SOX5: variants seen among roughly 807,000 people sequenced by gnomAD.
SOX5 encodes the protein SRY-box transcription factor 5.
A neutral mutation model predicts 92.0 loss-of-function variants in SOX5; 9 were observed. The ratio of observed to expected loss-of-function variants is 0.10; its 90% CI spans 0.06 to 0.17. The LOEUF (loss-of-function observed/expected upper bound fraction) is 0.17. Ranked by LOEUF, SOX5 falls within the 10% of genes least tolerant of loss-of-function variation. SOX5 has a pLI of 1.00. For synonymous variants in SOX5, 344 were observed against 336.3 expected, an observed-to-expected ratio of 1.02 and a Z score of -0.25; for missense variants, 642 against 944.5, an observed-to-expected ratio of 0.68 and a Z score of 4.20.
chr12:24,467,890 A>G (rs1944395125), intron 1 of SOX5, among the ~76,000 whole-genome samples: 1 of 152,184 alleles, frequency 6.6e-6, no homozygotes. Context: ...CATGCCAACT[A>G]GTGGGCTACT....
chr12:24,403,867 T>C (rs1962317482), intron 1 of SOX5, among the ~76,000 whole-genome samples: 2 of 152,342 alleles, frequency 1.3e-5, no homozygotes, highest in South Asian at 4.1e-4. Flanking sequence ...TGTAGGTATA[T>C]ACTTCAGGTC....
intron 2 of SOX5, among the ~76,000 whole-genome samples, chr12:24,352,013 G>T (rs748729161): frequency 6.6e-6 from 1 of 152,204 alleles, no homozygotes; most frequent in Non-Finnish European, 1.5e-5. Flanking sequence ...TGGCTCAGAG[G>T]AAGAGAGCTG....
intron 8 of SOX5, among the ~76,000 whole-genome samples, chr12:23,638,939 G>C (rs1357292677): frequency 6.6e-6 from 1 of 150,718 alleles, no homozygotes; most frequent in Non-Finnish European, 1.5e-5. Flanking sequence ...TGTTTTAATA[G>C]TAGCTGATGG....
chr12:24,455,804 G>T (rs1422907440), intron 1 of SOX5, among the ~76,000 whole-genome samples: 1 of 152,112 alleles, frequency 6.6e-6, no homozygotes, highest in Non-Finnish European at 1.5e-5. Flanking sequence ...CAGCTGCCGG[G>T]AGGTCTGACT....
At position 23,604,644 on chromosome 12, in the gene SOX5, G is replaced by C. The variant is rs529278566; in HGVS notation, c.1018-111C>G. The C allele has an allele frequency of 1.3e-5, 13 of 998,176 alleles. No individual in the cohort carries two copies. The South Asian group carries it at 1.4e-4, about 11-fold the overall frequency. 61.8% of individuals were successfully genotyped at this position (998,176 alleles called of 1,614,324 possible). ...ATGGTATTTTTCCTATGAGCATTTT[G>C]TTTAGTGCACTGGAATATTTAAAGA... On this transcript the variant is annotated intron_variant, in intron 8 of 14. Transcript: ENST00000451604.
chr12:24,511,622 T>A (rs915930122), intron 1 of SOX5, among the ~76,000 whole-genome samples: 11 of 152,178 alleles, frequency 7.2e-5, no homozygotes, highest in Non-Finnish European at 1.6e-4. Flanking sequence ...AGGAGGTTGC[T>A]CAATAAAAAT....
chr12:24,113,255 T>TAAAA (rs10717747), intron 4 of SOX5, among the ~76,000 whole-genome samples: 2 of 118,182 alleles, frequency 1.7e-5, no homozygotes, highest in African/African-American at 3.5e-5. Flanking sequence ...TGTAGAATCA[T>TAAAA]AAAAAAAAAA....
At chr12:23,571,902 A>G (rs916825596) in intron 10 of SOX5, among the ~76,000 whole-genome samples, 3 of 152,188 alleles carry the variant, frequency 2.0e-5, no homozygotes, top group Admixed American at 1.3e-4. Context: ...GAACAGCTGC[A>G]GTGAGAAAAT....
At chr12:23,708,317 T>TAA (rs992912828) in intron 6 of SOX5, among the ~76,000 whole-genome samples, 3 of 136,826 alleles carry the variant, frequency 2.2e-5, no homozygotes, top group Admixed American at 7.3e-5. Context: ...GGAATCCATA[T>TAA]AAAAAAAAAA....
At chr12:23,986,154 A>G (rs992667905) in intron 4 of SOX5, among the ~76,000 whole-genome samples, 9 of 152,198 alleles carry the variant, frequency 5.9e-5, no homozygotes, top group African/African-American at 1.7e-4. Flanking sequence ...TACAATGTGT[A>G]TATCTTTTCA....
chr12:24,443,988 TTAAAC>T (rs1360576576), intron 1 of SOX5, among the ~76,000 whole-genome samples: 2 of 152,230 alleles, frequency 1.3e-5, no homozygotes, highest in African/African-American at 4.8e-5. Flanking sequence ...CCTGTGGTCT[TTAAAC>T]TAGCGTTTAC....
intron 1 of SOX5, among the ~76,000 whole-genome samples, chr12:24,413,915 TGA>T (rs1964561658): frequency 1.3e-5 from 2 of 152,190 alleles, no homozygotes; most frequent in African/African-American, 4.8e-5. Flanking sequence ...TAAAAACACT[TGA>T]GTGTGTGCAA....
At chr12:23,612,427 A>C (rs17383852) in intron 8 of SOX5, among the ~76,000 whole-genome samples, 37,283 of 152,000 alleles carry the variant, frequency 0.25, 5,425 homozygotes, top group Middle Eastern at 0.38. Flanking sequence ...TAAAGTCCTC[A>C]CTCAAAAATA....
intron 2 of SOX5, among the ~76,000 whole-genome samples, chr12:24,301,055 T>C (rs1947886143): frequency 6.6e-6 from 1 of 152,206 alleles, no homozygotes; most frequent in Non-Finnish European, 1.5e-5. Flanking sequence ...TGAGGTTGCC[T>C]CAGTGCTCCC....
intron 2 of SOX5, among the ~76,000 whole-genome samples, chr12:23,856,292 T>C (rs1293370612): frequency 6.6e-6 from 1 of 152,090 alleles, no homozygotes; most frequent in Non-Finnish European, 1.5e-5. Flanking sequence ...ATTTTGTCAG[T>C]CTTAGAGTTT....
intron 4 of SOX5, among the ~76,000 whole-genome samples, chr12:23,993,247 T>A (rs182370474): frequency 6.6e-6 from 1 of 152,252 alleles, no homozygotes; most frequent in African/African-American, 2.4e-5. Context: ...GACTTCACAG[T>A]GACATAAAGC....
intron 6 of SOX5, among the ~76,000 whole-genome samples, chr12:23,680,400 C>T (rs111963324): frequency 7.7e-4 from 106 of 138,174 alleles, no homozygotes; most frequent in Middle Eastern, 4.1e-3. Context: ...GCAAGTTAGA[C>T]GTGATGAGAA....
At chr12:24,283,972 T>C (rs1945523510) in intron 2 of SOX5, among the ~76,000 whole-genome samples, 1 of 152,178 alleles carries the variant, frequency 6.6e-6, no homozygotes, top group Admixed American at 6.5e-5. Context: ...TATGTAGAAG[T>C]CATGTAAATG....
At chr12:23,784,887 G>C (rs563941694) in intron 3 of SOX5, among the ~76,000 whole-genome samples, 1 of 152,012 alleles carries the variant, frequency 6.6e-6, no homozygotes, top group Non-Finnish European at 1.5e-5. Flanking sequence ...GGTCAGCCTG[G>C]GCAACATAGC....
Sources: allele counts gnomAD v4.1 joint callset (sites outside exome capture counted in the v4.1 genomes callset), GRCh38; gene constraint gnomAD v4.1.1; transcripts MANE v1.5; gene names NCBI Gene and HGNC (gene_info 2026-07-23, HGNC 2026-07-21).